The following ARHGEF38 variants were observed in gnomAD, a reference collection of about 807,000 sequenced individuals.
The protein encoded by ARHGEF38 is Rho guanine nucleotide exchange factor (GEF) 38.
ARHGEF38 carries 79 observed loss-of-function variants against 79.9 expected under a neutral mutation model. The ratio of observed to expected loss-of-function variants is 0.99; its 90% CI spans 0.82 to 1.19. ARHGEF38 has a LOEUF of 1.19. Among genes scored for constraint, ARHGEF38 ranks in the 50% most tolerant of loss-of-function variants. The pLI is 0.00. For synonymous variants in ARHGEF38, 366 were observed against 328.3 expected, an observed-to-expected ratio of 1.11 and a Z score of -1.24; for missense variants, 962 against 907.2, an observed-to-expected ratio of 1.06 and a Z score of -0.78.
chr4:105,614,256 T>C (rs1253144021), intron 3 of ARHGEF38, among the ~76,000 whole-genome samples: 4 of 152,104 alleles, frequency 2.6e-5, no homozygotes, highest in Non-Finnish European at 5.9e-5. Context: ...GTTTCTCTAT[T>C]TCACACTTAA....
At chr4:105,681,658 G>A (rs964065050), downstream of ARHGEF38, among the ~76,000 whole-genome samples, 5 of 152,100 alleles carry the variant, frequency 3.3e-5, no homozygotes, top group Non-Finnish European at 7.4e-5. Context: ...ACCCACTTAT[G>A]CCTAGTGTTC....
intron 7 of ARHGEF38, among the ~76,000 whole-genome samples, chr4:105,653,667 A>C (rs1371333085): frequency 6.6e-6 from 1 of 152,250 alleles, no homozygotes; most frequent in Non-Finnish European, 1.5e-5. Flanking sequence ...ATTGGAATGA[A>C]TCATACGAAC....
In ARHGEF38 at chr4:105,552,806, C is replaced by A. The variant is rs1445971398; in HGVS notation, c.41C>A (p.Thr14Asn). 7 of 1,612,092 alleles carry A rather than the reference C, an allele frequency of 4.3e-6. No individual in the cohort carries two copies. The highest frequency in any genetic ancestry group is 5.9e-6 in the Non-Finnish European group (7 of 1,179,410). Residue 14 changes from threonine (T) to asparagine (N), a missense_variant, in exon 1 of 14, where the codon ACC becomes AAC. Thr to Asn is a moderately conservative substitution (Grantham distance 65). Coordinates refer to ENST00000420470, the MANE Select transcript of ARHGEF38 (RefSeq NM_001242729.2). ...KEATGKENMVTKKKNLAFLRS... is the reference protein window; with the variant it reads ...KEATGKENMVNKKKNLAFLRS... ...GCCACTGGGAAAGAAAACATGGTCA[C>A]CAAGAAAAAGAATCTGGCCTTCTTG...
intron 5 of ARHGEF38, among the ~76,000 whole-genome samples, chr4:105,641,114 A>G (rs1355841038): frequency 6.6e-6 from 1 of 151,998 alleles, no homozygotes; most frequent in Non-Finnish European, 1.5e-5. Context: ...TTCCTAGACC[A>G]GTCATCTAAT....
rs1578296466 is a variant in ARHGEF38, at chr4:105,598,991, A to C, written c.384+9556A>C. Among the ~76,000 whole-genome samples, 7 of 152,164 alleles carry C rather than the reference A, an allele frequency of 4.6e-5. No individual in the cohort carries two copies. In the South Asian group the frequency reaches 1.4e-3, roughly 31 times the overall value. On this transcript the variant is annotated intron_variant, in intron 2 of 13. Transcript: ENST00000420470. The stretch of plus-strand genomic sequence containing the variant: ...TCAAGTACTGACACTGAGTCATCAC[A>C]CTTCACTTACTTTCCCATTTTCCCC...
In ARHGEF38 at chr4:105,677,812, T is replaced by C. The variant is rs1387162707; in HGVS notation, c.2209T>C (p.Tyr737His). Reference protein sequence around the residue: ...RSDHELSLQEYQRVHILRFCD... With the variant: ...RSDHELSLQEHQRVHILRFCD... ...TGACCATGAACTCAGCCTTCAGGAATACCAGAGAGTTCATATACTCAGGTT... is the reference window on the plus strand; with the variant it reads ...TGACCATGAACTCAGCCTTCAGGAACACCAGAGAGTTCATATACTCAGGTT... The change falls in exon 14 of 14, where the codon TAC becomes CAC. Residue 737 changes from tyrosine (Y) to histidine (H), a missense_variant. Transcript: ENST00000420470. The C allele has an allele frequency of 6.5e-7, 1 of 1,534,564 alleles. No homozygotes were observed. Among genetic ancestry groups the C allele is most frequent in the East Asian group, 2.4e-5 (1 of 40,904 alleles).
At chr4:105,596,658 C>T (rs2110469221) in intron 2 of ARHGEF38, among the ~76,000 whole-genome samples, 1 of 152,206 alleles carries the variant, frequency 6.6e-6, no homozygotes, top group Admixed American at 6.5e-5. Context: ...CTTGTATATC[C>T]CTTTGCTGTG....
At chr4:105,660,974 C>T (rs774721480) in intron 10 of ARHGEF38, among the ~76,000 whole-genome samples, 3 of 152,112 alleles carry the variant, frequency 2.0e-5, no homozygotes, top group Non-Finnish European at 4.4e-5. Context: ...AACCCTGTAC[C>T]CATCCACATT....
At chr4:105,615,074 G>A (rs1728458259) in intron 3 of ARHGEF38, among the ~76,000 whole-genome samples, 2 of 152,206 alleles carry the variant, frequency 1.3e-5, no homozygotes, top group South Asian at 4.1e-4. Flanking sequence ...AAATGGAAAT[G>A]ACAGCATGAA....
intron 2 of ARHGEF38, among the ~76,000 whole-genome samples, chr4:105,594,334 A>T (rs1340727885): frequency 6.6e-6 from 1 of 152,214 alleles, no homozygotes; most frequent in Non-Finnish European, 1.5e-5. Flanking sequence ...TGGACATTTA[A>T]CTACCAGTGT....
intron 1 of ARHGEF38, among the ~76,000 whole-genome samples, chr4:105,569,532 C>T (rs1027407574): frequency 6.6e-6 from 1 of 152,174 alleles, no homozygotes; most frequent in African/African-American, 2.4e-5. Flanking sequence ...AAATCATGGT[C>T]GTAAAAACAA....
At chr4:105,599,226 T>C (rs1208585759) in intron 2 of ARHGEF38, among the ~76,000 whole-genome samples, 1 of 152,188 alleles carries the variant, frequency 6.6e-6, no homozygotes, top group African/African-American at 2.4e-5. Context: ...TGTAGTTTTA[T>C]GATAGAAACT....
At chr4:105,600,192 G>A (rs1377738287) in intron 2 of ARHGEF38, among the ~76,000 whole-genome samples, 1 of 152,156 alleles carries the variant, frequency 6.6e-6, no homozygotes, top group Non-Finnish European at 1.5e-5. Flanking sequence ...AGTCTATAAT[G>A]TGGCCAAGAA....
At position 105,667,321 on chromosome 4, in the gene ARHGEF38, A is replaced by G; in HGVS notation, c.1882A>G (p.Thr628Ala). 6.5e-7 allele frequency: 1 copy of G among 1,535,718 alleles called. No individual in the cohort carries two copies. Among genetic ancestry groups the G allele is most frequent in the South Asian group, 1.2e-5 (1 of 83,930 alleles). ...LGSTSRWLVD[T>A]GNVKGYVYSS... ...GAGTACAAGCAGGTGGCTTGTGGACACAGGAAGTAAGTTTTTCCCCAGAAC... is the reference window on the plus strand; with the variant it reads ...GAGTACAAGCAGGTGGCTTGTGGACGCAGGAAGTAAGTTTTTCCCCAGAAC... Residue 628 changes from threonine to alanine, a missense_variant, in exon 12 of 14, where the codon ACA becomes GCA. Thr to Ala is a moderately conservative substitution (Grantham distance 58). Coordinates refer to ENST00000420470, the MANE Select transcript of ARHGEF38 (RefSeq NM_001242729.2).
chr4:105,611,097 A>T (rs1728275255), intron 2 of ARHGEF38, among the ~76,000 whole-genome samples: 1 of 152,084 alleles, frequency 6.6e-6, no homozygotes, highest in Admixed American at 6.6e-5. Context: ...TATCTTCAAG[A>T]TGGTTCATCC....
chr4:105,582,436 T>G (rs1726843239), intron 1 of ARHGEF38, among the ~76,000 whole-genome samples: 1 of 152,052 alleles, frequency 6.6e-6, no homozygotes, highest in South Asian at 2.1e-4. Flanking sequence ...ATTTGTAATA[T>G]TTTTCTTATC....
chr4:105,647,245 A>C (rs558627195), intron 6 of ARHGEF38, among the ~76,000 whole-genome samples: 1 of 151,730 alleles, frequency 6.6e-6, no homozygotes, highest in African/African-American at 2.4e-5. Context: ...CTTCAGACGT[A>C]CTCTGTCTTC....
At chr4:105,614,912 A>G (rs1447330405) in intron 3 of ARHGEF38, among the ~76,000 whole-genome samples, 2 of 152,216 alleles carry the variant, frequency 1.3e-5, no homozygotes, top group East Asian at 3.8e-4. Flanking sequence ...TGGGTATAAT[A>G]CACCATCAAA....
chr4:105,654,332 T>C (rs1357007532), intron 8 of ARHGEF38, among the ~76,000 whole-genome samples, 163 bp downstream of exon 8: 2 of 152,190 alleles, frequency 1.3e-5, no homozygotes, highest in Non-Finnish European at 2.9e-5. Context: ...GAAGCCAATA[T>C]ATAGAGGTGT....
Sources: gnomAD v4.1 joint callset for allele counts (sites outside exome capture counted in the v4.1 genomes callset) on GRCh38, gnomAD v4.1.1 for gene constraint, MANE v1.5 for transcripts, NCBI Gene and HGNC (gene_info 2026-07-23, HGNC 2026-07-21) for gene names.